The following CSMD1 variants were observed in gnomAD, a reference collection of about 807,000 sequenced individuals.
CSMD1 encodes the protein CUB and Sushi multiple domains 1, also known as CUB and sushi domain-containing protein 1.
In CSMD1, 213 loss-of-function variants were observed where a neutral mutation model predicts 417.5. The observed-to-expected ratio is 0.51, with a 90% CI of 0.46 to 0.57. CSMD1 has a LOEUF of 0.57. Among genes scored for constraint, CSMD1 ranks in the 20% least tolerant of loss-of-function variants. CSMD1 has a pLI of 0.00. For missense variants in CSMD1, 6,923 were observed against 4,529.7 expected, an observed-to-expected ratio of 1.53 and a Z score of -15.17; for synonymous variants, 2,862 against 1,736.8, an observed-to-expected ratio of 1.65 and a Z score of -16.11.
intron 7 of CSMD1, among the ~76,000 whole-genome samples, chr8:3,690,635 T>C (rs1480476317): frequency 2.0e-5 from 3 of 152,182 alleles, no homozygotes; most frequent in Admixed American, 1.3e-4. Flanking sequence ...ACTCTCAAAA[T>C]ATTCTTTCAC....
chr8:4,755,172 T>C (rs1051567742), intron 1 of CSMD1, among the ~76,000 whole-genome samples: 4 of 152,162 alleles, frequency 2.6e-5, no homozygotes, highest in South Asian at 2.1e-4. Flanking sequence ...AGCAAAGTCA[T>C]AGGCCAAATT....
chr8:4,604,410 T>TGTGCGCAC lies in CSMD1; in HGVS notation c.302+32931_302+32932insGTGCGCAC, dbSNP rs59349269. 4.8e-5 allele frequency among the ~76,000 whole-genome samples: 7 copies of TGTGCGCAC among 146,228 alleles called. No individual in the cohort carries two copies. The East Asian group carries it at 1.2e-3, about 25-fold the overall frequency. On this transcript the variant is annotated intron_variant, in intron 2 of 69. Coordinates refer to ENST00000635120, the MANE Select transcript of CSMD1 (RefSeq NM_033225.6). ...GTGTGTGTGTGTGTGTGTGTGTGTGTGCGCGTGCGTAAAGACTAGGATCTC... is the reference window on the plus strand; with the variant it reads ...GTGTGTGTGTGTGTGTGTGTGTGTGTGTGCGCACGCGCGTGCGTAAAGACTAGGATCTC...
intron 5 of CSMD1, among the ~76,000 whole-genome samples, chr8:3,824,064 GGT>G (rs1801903232): frequency 6.6e-6 from 1 of 151,850 alleles, no homozygotes; most frequent in Non-Finnish European, 1.5e-5. Flanking sequence ...TCTTCATCCT[GGT>G]GATTTGTAGA....
chr8:3,659,871 A>G (rs1245988193), intron 7 of CSMD1, among the ~76,000 whole-genome samples: 1 of 152,218 alleles, frequency 6.6e-6, no homozygotes, highest in African/African-American at 2.4e-5. Flanking sequence ...TAGAGAAATA[A>G]TGCCATATAA....
chr8:4,293,413 G>C (rs1797483205), intron 3 of CSMD1, among the ~76,000 whole-genome samples: 1 of 152,112 alleles, frequency 6.6e-6, no homozygotes, highest in Non-Finnish European at 1.5e-5. Context: ...ATTAACCAAA[G>C]CTACGGCTAA....
chr8:2,957,627 G>C, intron 63 of CSMD1, 69 bp downstream of exon 63: 6 of 1,014,528 alleles, frequency 5.9e-6, no homozygotes, highest in Non-Finnish European at 9.0e-6. Context: ...TTCCCTTAGT[G>C]GTAAACACGT....
At position 4,304,642 on chromosome 8, in the gene CSMD1, A is replaced by T. The variant is rs1019373731; in HGVS notation, c.415+115311T>A. 1.3e-4 allele frequency among the ~76,000 whole-genome samples: 20 copies of T among 152,252 alleles called. 1 individual carries two copies. The highest frequency in any genetic ancestry group is 3.3e-4 in the Admixed American group (5 of 15,284). ...TACAGATCAGATTCCCCTCACTGCTACTCATACCCAAATAATGCACCTATC... is the reference window on the plus strand; with the variant it reads ...TACAGATCAGATTCCCCTCACTGCTTCTCATACCCAAATAATGCACCTATC... On this transcript the variant is annotated intron_variant, in intron 3 of 69. Transcript: ENST00000635120.
At chr8:3,786,921 G>A (rs371059226) in intron 5 of CSMD1, among the ~76,000 whole-genome samples, 6 of 152,262 alleles carry the variant, frequency 3.9e-5, no homozygotes, top group African/African-American at 9.6e-5. Context: ...CCTTTAGGAT[G>A]AGGATTTCAA....
In CSMD1 at chr8:4,424,676, C is replaced by G. The variant is rs78659205; in HGVS notation, c.303-4611G>C. On this transcript the variant is annotated intron_variant, in intron 2 of 69. Coordinates refer to ENST00000635120, the MANE Select transcript of CSMD1 (RefSeq NM_033225.6). ...AGAAGTTTGACATTTCCTTTAAAAA[C>G]GAAACACGTAACTGCCATCTGACCA... is the stretch of plus-strand genomic sequence containing the variant. Among the ~76,000 whole-genome samples the G allele has an allele frequency of 3.6e-3, 553 of 152,110 alleles. 3 individuals carry two copies. Among genetic ancestry groups the G allele is most frequent in the African/African-American group, 0.013 (525 of 41,536 alleles).
intron 4 of CSMD1, among the ~76,000 whole-genome samples, chr8:3,998,932 G>C (rs1010142930): frequency 2.0e-5 from 3 of 148,138 alleles, no homozygotes; most frequent in Admixed American, 6.8e-5. Flanking sequence ...CTATATAGTA[G>C]TTTATATATA....
intron 49 of CSMD1, among the ~76,000 whole-genome samples, chr8:3,077,469 C>A (rs1255140812): frequency 6.6e-6 from 1 of 152,230 alleles, no homozygotes; most frequent in Non-Finnish European, 1.5e-5. Flanking sequence ...TGCCTTCCAG[C>A]CTCAGAGCAA....
At chr8:4,923,385 C>T (rs778255563) in intron 1 of CSMD1, among the ~76,000 whole-genome samples, 1 of 152,108 alleles carries the variant, frequency 6.6e-6, no homozygotes, top group Admixed American at 6.5e-5. Flanking sequence ...AAGAGTGTAA[C>T]TGGATTGTTT....
chr8:4,210,475 A>C (rs1290256777), intron 3 of CSMD1, among the ~76,000 whole-genome samples: 3 of 152,204 alleles, frequency 2.0e-5, no homozygotes, highest in Non-Finnish European at 4.4e-5. Context: ...TGAACTGCAA[A>C]CAGACAATAA....
chr8:3,534,195 A>T (rs1358860116), intron 10 of CSMD1, among the ~76,000 whole-genome samples: 1 of 151,864 alleles, frequency 6.6e-6, no homozygotes, highest in Non-Finnish European at 1.5e-5. Flanking sequence ...TCACTTACTC[A>T]CTCCTGCAAT....
At chr8:4,773,600 G>C (rs563205658) in intron 1 of CSMD1, among the ~76,000 whole-genome samples, 1 of 152,128 alleles carries the variant, frequency 6.6e-6, no homozygotes, top group Non-Finnish European at 1.5e-5. Context: ...AGGATACCAA[G>C]GATTCCTCAG....
At chr8:4,964,482 A>G (rs1809717320) in intron 1 of CSMD1, among the ~76,000 whole-genome samples, 1 of 143,598 alleles carries the variant, frequency 7.0e-6, no homozygotes, top group South Asian at 2.4e-4. Context: ...TCCCATCACA[A>G]CACAGCAAGA....
chr8:3,516,235 G>C (rs2117425281), intron 10 of CSMD1, among the ~76,000 whole-genome samples: 1 of 152,324 alleles, frequency 6.6e-6, no homozygotes, highest in South Asian at 2.1e-4. Context: ...TGCAGCACTT[G>C]CAAAACCTAA....
intron 2 of CSMD1, among the ~76,000 whole-genome samples, chr8:4,458,425 C>G (rs1233182657): frequency 2.0e-5 from 3 of 152,028 alleles, no homozygotes; most frequent in African/African-American, 7.3e-5. Context: ...TGATTTTTAT[C>G]AGTTGGTTTC....
At chr8:3,837,617 C>T (rs1445101604) in intron 5 of CSMD1, among the ~76,000 whole-genome samples, 1 of 152,062 alleles carries the variant, frequency 6.6e-6, no homozygotes, top group Non-Finnish European at 1.5e-5. Context: ...GAAATTCTAG[C>T]GTTTGTGGAA....
Sources: allele counts gnomAD v4.1 joint callset (sites outside exome capture counted in the v4.1 genomes callset), GRCh38; gene constraint gnomAD v4.1.1; transcripts MANE v1.5; gene names NCBI Gene and HGNC (gene_info 2026-07-23, HGNC 2026-07-21).